Variants in CTNNB1 observed in about 807,000 individuals in gnomAD.
CTNNB1 encodes the protein catenin beta 1, also known as catenin beta-1.
In CTNNB1, 6 loss-of-function variants were observed where a neutral mutation model predicts 82.5. The ratio of observed to expected loss-of-function variants is 0.07; its 90% CI spans 0.04 to 0.14. The LOEUF (loss-of-function observed/expected upper bound fraction) is 0.14. Among genes scored for constraint, CTNNB1 ranks in the 10% least tolerant of loss-of-function variants. The probability of loss-of-function intolerance (pLI) is 1.00; values close to 1 mark genes in which losing one functional copy is unlikely to be tolerated. For synonymous variants in CTNNB1, 312 were observed against 329.7 expected (o/e 0.95, Z 0.58); for missense variants, 529 against 980.4 (o/e 0.54, Z 6.15).
rs2125640594 is a variant in CTNNB1 at position 41,233,813 on chromosome 3, A to C, written c.1470A>C (p.Gly490=). The change falls in exon 9 of 15, where the codon GGA becomes GGC. Residue 490 remains glycine (G), a synonymous_variant. Transcript: ENST00000349496. ...MAQNAVRLHY[G]LPVVVKLLHP... ...AGAATGCAGTTCGCCTTCACTATGG[A>C]CTACCAGTTGTGGTTAAGCTCTTAC... The C allele has an allele frequency of 6.2e-7, 1 of 1,613,482 alleles. No homozygotes were observed. The highest frequency in any genetic ancestry group is 8.5e-7 in the Non-Finnish European group (1 of 1,179,528).
At position 41,236,687 on chromosome 3, in the gene CTNNB1, C is replaced by A; in HGVS notation, c.2054C>A (p.Thr685Lys). Residue 685 changes from threonine (T) to lysine (K), a missense_variant, in exon 13 of 15, where the codon ACA (threonine) becomes AAA (lysine). Physicochemically the swap from Thr to Lys is moderately conservative, Grantham distance 78 (BLOSUM62 -1). Transcript: ENST00000349496. ...SVELTSSLFR[T>K]EPMAWNETAD... ...GAGCTGACCAGCTCTCTCTTCAGAA[C>A]AGAGCCAATGGCTTGGAATGAGGTA... is the stretch of plus-strand genomic sequence containing the variant. 2 of 1,614,116 alleles carry A rather than the reference C, an allele frequency of 1.2e-6. No homozygotes were observed. The highest frequency in any genetic ancestry group is 3.3e-5 in the Admixed American group (2 of 60,036).
Position 41,223,516 on chromosome 3 carries a change from C to T in CTNNB1, c.-48-505C>T, listed in dbSNP as rs534573054. On this transcript the variant is annotated intron_variant, in intron 1 of 14. Transcript: ENST00000349496. Reference sequence around the variant, plus strand: ...ATCTAAAATTCGCTATTCTAGTCACCAAAATTTGCTTTATGAAAAATAATT... The same window carrying T: ...ATCTAAAATTCGCTATTCTAGTCACTAAAATTTGCTTTATGAAAAATAATT... Among the ~76,000 whole-genome samples the T allele has an allele frequency of 1.9e-4, 29 of 152,058 alleles. No individual in the cohort carries two copies. The Middle Eastern group carries it at 0.01, about 54-fold the overall frequency.
chr3:41,238,726 T>C (rs1355480039), intron 14 of CTNNB1, among the ~76,000 whole-genome samples: 1 of 152,166 alleles, frequency 6.6e-6, no homozygotes, highest in Non-Finnish European at 1.5e-5. Context: ...TCAAGATAGA[T>C]TACACCTGCC....
Position 41,225,662 on chromosome 3 carries a change from C to T in CTNNB1, c.737C>T (p.Ser246Leu), listed in dbSNP as rs2078158916. Residue 246 changes from serine to leucine, a missense_variant and splice_region_variant, in exon 6 of 15, where the codon TCA becomes TTA. This residue lies in a region of CTNNB1 where 411 missense variants were observed against 776.4 expected (regional missense o/e 0.53). Coordinates refer to ENST00000349496, the MANE Select transcript of CTNNB1 (RefSeq NM_001904.4). The surrounding 1 kb of genome is among the most constrained non-coding windows in gnomAD (Gnocchi z 5.3). ...TGAGGCTTTTTTCTTCTTCCCAGTTCACCAGTGGATTCTGTGTTGTTTTAT... is the reference window on the plus strand; with the variant it reads ...TGAGGCTTTTTTCTTCTTCCCAGTTTACCAGTGGATTCTGTGTTGTTTTAT... Reference protein sequence around the residue: ...GIPALVKMLGSPVDSVLFYAI... With the variant: ...GIPALVKMLGLPVDSVLFYAI... The T allele has an allele frequency of 6.2e-7, 1 of 1,613,984 alleles. No individual in the cohort carries two copies. Among genetic ancestry groups the T allele is most frequent in the Non-Finnish European group, 8.5e-7 (1 of 1,179,972 alleles).
chr3:41,232,490 C>G (rs1187765886), intron 7 of CTNNB1, among the ~76,000 whole-genome samples: 3 of 151,992 alleles, frequency 2.0e-5, no homozygotes, highest in African/African-American at 7.2e-5. Flanking sequence ...GGAAATAAAA[C>G]AGACCCGAAA....
intron 13 of CTNNB1, chr3:41,237,469 C>CAAAAAAAAAAAAAA (rs2078464633): frequency 1.1e-5 from 1 of 90,870 alleles, no homozygotes; most frequent in African/African-American, 3.7e-5. Context: ...AAAAAAAAAG[C>CAAAAAAAAAAAAAA]AAATTACCAG....
intron 1 of CTNNB1, among the ~76,000 whole-genome samples, chr3:41,219,166 T>C (rs922586666): frequency 7.9e-5 from 12 of 152,192 alleles, no homozygotes; most frequent in Admixed American, 7.2e-4. Flanking sequence ...TTAATATAAG[T>C]TGGAGAAAAA....
At chr3:41,211,832 T>C (rs984472434) in intron 1 of CTNNB1, among the ~76,000 whole-genome samples, 2 of 152,178 alleles carry the variant, frequency 1.3e-5, no homozygotes, top group African/African-American at 4.8e-5. Flanking sequence ...GCCTATATTA[T>C]TGGAAAGGCC....
chr3:41,212,388 T>C (rs1458360306), intron 1 of CTNNB1, among the ~76,000 whole-genome samples: 1 of 152,174 alleles, frequency 6.6e-6, no homozygotes, highest in African/African-American at 2.4e-5. Context: ...GTCCTATGTA[T>C]ATGGTTCCAC....
At chr3:41,207,579 A>T (rs900548995) in intron 1 of CTNNB1, among the ~76,000 whole-genome samples, 1 of 152,218 alleles carries the variant, frequency 6.6e-6, no homozygotes, top group Admixed American at 6.5e-5. Flanking sequence ...GGCAGAGGCC[A>T]GTCCTGAGGC....
rs1404305287 is a variant in CTNNB1, at chr3:41,225,834, T to C, written c.909T>C (p.Ile303=). The C allele has an allele frequency of 3.1e-6, 5 of 1,613,718 alleles. No homozygotes were observed. The highest frequency in any genetic ancestry group is 3.3e-5 in the Admixed American group (2 of 59,924). The change falls in exon 6 of 15, where the codon ATT becomes ATC. Residue 303 remains isoleucine (I), a synonymous_variant. Transcript: ENST00000349496. The surrounding 1 kb of genome is among the most constrained non-coding windows in gnomAD (Gnocchi z 5.3). ...CTATTACGACAGACTGCCTTCAAAT[T>C]TTAGCTTATGGCAACCAAGAAAGCA... The part of the protein sequence containing the change: ...FLAITTDCLQ[I]LAYGNQESKL...
intron 7 of CTNNB1, among the ~76,000 whole-genome samples, chr3:41,232,667 A>G (rs1306434564): frequency 6.6e-6 from 1 of 151,974 alleles, no homozygotes; most frequent in Non-Finnish European, 1.5e-5. Context: ...AAGATTGTAA[A>G]CCTTGGAACA....
chr3:41,214,394 TAAAA>T (rs11457773), intron 1 of CTNNB1, among the ~76,000 whole-genome samples: 2 of 147,036 alleles, frequency 1.4e-5, no homozygotes, highest in African/African-American at 5.0e-5. Context: ...TCTTTATAGT[TAAAA>T]AAAAAAAAAG....
intron 6 of CTNNB1, among the ~76,000 whole-genome samples, chr3:41,226,612 TTAGCA>T (rs2078182340): frequency 6.6e-6 from 1 of 152,202 alleles, no homozygotes; most frequent in Admixed American, 6.5e-5. Context: ...TGAGATAGAC[TTAGCA>T]GATCTCATAG....
chr3:41,234,353 AG>A, intron 10 of CTNNB1, 56 bp downstream of exon 10: 1 of 1,584,456 alleles, frequency 6.3e-7, no homozygotes, highest in Non-Finnish European at 8.7e-7. Flanking sequence ...ATAAATCCAA[AG>A]GATCCTGAAC....
intron 1 of CTNNB1, among the ~76,000 whole-genome samples, chr3:41,209,130 A>T (rs551839948): frequency 6.6e-6 from 1 of 151,982 alleles, no homozygotes; most frequent in South Asian, 2.1e-4. Flanking sequence ...TTTTCCTCTT[A>T]CTTCACTAGC....
rs2078473217 is a variant in CTNNB1 at position 41,237,742 on chromosome 3, A to G, written c.2077-274A>G. The G allele has an allele frequency of 8.2e-6, 3 of 365,946 alleles. No homozygotes were observed. The Admixed American group carries it at 1.3e-4, about 16-fold the overall frequency. The allele number at this position is 365,946 out of a possible 1,614,324, so 22.7% of individuals were successfully genotyped here. A position where few individuals can be genotyped will look rare whatever the true frequency, so the allele number is the denominator to read the frequency against. ...TTAAACTGCTATATCTCTAGCATGT[A>G]GAACAGTGCCTGGCAGCACATAATA... is the stretch of plus-strand genomic sequence containing the variant. On this transcript the variant is annotated intron_variant, in intron 13 of 14. Coordinates refer to ENST00000349496, the MANE Select transcript of CTNNB1 (RefSeq NM_001904.4).
intron 1 of CTNNB1, chr3:41,222,239 G>A (rs1323356242): frequency 1.3e-5 from 2 of 152,212 alleles, no homozygotes; most frequent in African/African-American, 2.4e-5. Flanking sequence ...TTTCCTTTCC[G>A]GAGCAGGGTT....
chr3:41,235,856 T>C lies in CTNNB1; in HGVS notation c.1803+13T>C, dbSNP rs2078423206. The stretch of plus-strand genomic sequence containing the variant: ...ATTGTTTGTGCAGGTATGTTTTAAG[T>C]GAAGTGTTCTAGGTTTTATGTCCAT... On this transcript the variant is annotated intron_variant, in intron 11 of 14. Transcript: ENST00000349496. The C allele has an allele frequency of 1.9e-6, 3 of 1,614,036 alleles. No homozygotes were observed. The East Asian group carries it at 6.7e-5, about 36-fold the overall frequency.
Sources: allele counts gnomAD v4.1 joint callset (sites outside exome capture counted in the v4.1 genomes callset), GRCh38; gene constraint gnomAD v4.1.1; regional missense constraint gnomAD v4.1.1; non-coding constraint Gnocchi (gnomAD v3.1); transcripts MANE v1.5; gene names NCBI Gene and HGNC (gene_info 2026-07-23, HGNC 2026-07-21).